The following PCDH15 variants were observed in gnomAD, a reference collection of about 807,000 sequenced individuals.
The protein encoded by PCDH15 is protocadherin related 15.
In PCDH15, 129 loss-of-function variants were observed where a neutral mutation model predicts 178.5. The ratio of observed to expected loss-of-function variants is 0.72; its 90% CI spans 0.63 to 0.84. The LOEUF is 0.84. Among genes scored for constraint, PCDH15 ranks in the 40% least tolerant of loss-of-function variants. The pLI is 0.00. For missense variants in PCDH15, 2,230 were observed against 2,099.9 expected (o/e 1.06, Z -1.21); for synonymous variants, 800 against 732.0 (o/e 1.09, Z -1.50).
chr10:55,006,711 C>T (rs1049715134), intron 2 of PCDH15, among the ~76,000 whole-genome samples: 3 of 152,198 alleles, frequency 2.0e-5, no homozygotes, highest in African/African-American at 4.8e-5. Context: ...CTTTGGAGCT[C>T]ACCCTTATAC....
intron 1 of PCDH15, among the ~76,000 whole-genome samples, chr10:54,698,875 A>G (rs2095270134): frequency 6.6e-6 from 1 of 152,072 alleles, no homozygotes; most frequent in Non-Finnish European, 1.5e-5. Context: ...CATTTGTGTA[A>G]AAGTTTCTTA....
At chr10:54,608,157 A>C (rs981589057) in intron 2 of PCDH15, among the ~76,000 whole-genome samples, 12 of 151,972 alleles carry the variant, frequency 7.9e-5, no homozygotes, top group African/African-American at 2.9e-4. Flanking sequence ...GGGGATTTGT[A>C]TGCAAACACT....
intron 3 of PCDH15, among the ~76,000 whole-genome samples, chr10:54,445,492 T>G (rs1229841069): frequency 6.6e-6 from 1 of 151,612 alleles, no homozygotes; most frequent in African/African-American, 2.4e-5. Flanking sequence ...GAGCGTACTT[T>G]AGGCTAGGTT....
At chr10:55,321,444 C>G (rs949356673), upstream of PCDH15, among the ~76,000 whole-genome samples, 7 of 152,128 alleles carry the variant, frequency 4.6e-5, no homozygotes, top group African/African-American at 1.7e-4. Context: ...ATATTGAAGA[C>G]TGGAGAATTT....
chr10:55,313,724 A>C (rs1017276145), intron 1 of PCDH15, among the ~76,000 whole-genome samples: 1 of 152,202 alleles, frequency 6.6e-6, no homozygotes, highest in Non-Finnish European at 1.5e-5. Context: ...TATATGCCAG[A>C]CTTCTATTTA....
At chr10:55,373,944 G>T (rs1233791776) in intron 2 of PCDH15, among the ~76,000 whole-genome samples, 2 of 151,630 alleles carry the variant, frequency 1.3e-5, no homozygotes, top group Admixed American at 1.3e-4. Flanking sequence ...CCGGTGGTGG[G>T]GTGGGGGGCT....
intron 2 of PCDH15, among the ~76,000 whole-genome samples, chr10:55,132,812 T>C (rs1000532185): frequency 4.6e-5 from 7 of 152,210 alleles, no homozygotes; most frequent in African/African-American, 1.7e-4. Context: ...CTACATATTT[T>C]GGTTAAGACT....
At chr10:54,352,743 A>G (rs1008353717) in intron 5 of PCDH15, among the ~76,000 whole-genome samples, 16 of 152,152 alleles carry the variant, frequency 1.1e-4, no homozygotes, top group African/African-American at 3.9e-4. Flanking sequence ...GATTTATAGT[A>G]TTAGGCAGCC....
intron 3 of PCDH15, among the ~76,000 whole-genome samples, chr10:54,386,077 A>G (rs578119718): frequency 4.7e-5 from 7 of 148,828 alleles, no homozygotes; most frequent in Non-Finnish European, 8.9e-5. Context: ...GTATCCTACT[A>G]CTTTGCTGAA....
chr10:54,660,642 G>C (rs188070911), intron 2 of PCDH15, among the ~76,000 whole-genome samples: 2 of 151,998 alleles, frequency 1.3e-5, no homozygotes, highest in African/African-American at 4.8e-5. Context: ...CCAAAACCTA[G>C]CACTGAACAC....
At chr10:55,473,338 A>C (rs977049330) in intron 2 of PCDH15, among the ~76,000 whole-genome samples, 44 of 152,256 alleles carry the variant, frequency 2.9e-4, no homozygotes, top group African/African-American at 9.1e-4. Flanking sequence ...GTATATAAAA[A>C]AAAAAAGAAA....
chr10:54,651,625 G>A (rs1187092881), intron 2 of PCDH15, among the ~76,000 whole-genome samples: 1 of 152,132 alleles, frequency 6.6e-6, no homozygotes, highest in Non-Finnish European at 1.5e-5. Flanking sequence ...ACTCCACCTA[G>A]TCACTCAAAG....
chr10:53,857,131 A>C, intron 28 of PCDH15, 44 bp downstream of exon 28: 1 of 1,326,422 alleles, frequency 7.5e-7, no homozygotes, highest in East Asian at 2.4e-5. Flanking sequence ...GTTAAAAATC[A>C]TGGTCATATA....
intron 30 of PCDH15, 125 bp from the exon 31 acceptor site, chr10:53,828,698 G>A (rs2076848887): frequency 1.2e-6 from 1 of 816,652 alleles, no homozygotes. Context: ...TAATGACAGA[G>A]TTAATGACAG....
intron 1 of PCDH15, among the ~76,000 whole-genome samples, chr10:55,194,651 T>C (rs1400248955): frequency 1.3e-5 from 2 of 152,008 alleles, no homozygotes; most frequent in Non-Finnish European, 2.9e-5. Flanking sequence ...ATAAGACATA[T>C]ACCCAGGAAA....
chr10:55,460,113 T>TG (rs1839641515), intron 2 of PCDH15, among the ~76,000 whole-genome samples: 1 of 151,992 alleles, frequency 6.6e-6, no homozygotes, highest in East Asian at 1.9e-4. Flanking sequence ...GCCACAGAGT[T>TG]GGGGGTACGA....
chr10:55,459,260 A>G (rs1839620733), intron 2 of PCDH15, among the ~76,000 whole-genome samples: 1 of 151,124 alleles, frequency 6.6e-6, no homozygotes, highest in Admixed American at 6.6e-5. Context: ...AAAGAAAAAA[A>G]TAAATCTTGC....
At chr10:54,499,164 T>C (rs1047068627) in intron 3 of PCDH15, among the ~76,000 whole-genome samples, 1 of 152,052 alleles carries the variant, frequency 6.6e-6, no homozygotes, top group African/African-American at 2.4e-5. Context: ...GCATCTAGAT[T>C]AATAAAACAA....
intron 2 of PCDH15, among the ~76,000 whole-genome samples, chr10:55,022,812 G>A (rs1187571823): frequency 6.6e-6 from 1 of 150,548 alleles, no homozygotes; most frequent in African/African-American, 2.4e-5. Flanking sequence ...CCGCGTTCAT[G>A]CCATTCTCCT....
Sources: gnomAD v4.1 joint callset for allele counts (sites outside exome capture counted in the v4.1 genomes callset) on GRCh38, gnomAD v4.1.1 for gene constraint, MANE v1.5 for transcripts, NCBI Gene and HGNC (gene_info 2026-07-23, HGNC 2026-07-21) for gene names.